CDH4: variants seen among roughly 807,000 people sequenced by gnomAD.
CDH4 encodes the protein cadherin 4, also known as cadherin-4.
Under a neutral mutation model 86.0 loss-of-function variants are expected in CDH4, and 33 were observed. The observed-to-expected ratio is 0.38, with a 90% CI of 0.29 to 0.51. The LOEUF (loss-of-function observed/expected upper bound fraction) is 0.51, where lower values mean the gene tolerates loss of function less well. Ranked by LOEUF, CDH4 falls within the 20% of genes least tolerant of loss-of-function variation. The pLI is 0.86. For missense variants in CDH4, 1,114 were observed against 1,307.4 expected, an observed-to-expected ratio of 0.85 and a Z score of 2.28; for synonymous variants, 555 against 549.4, an observed-to-expected ratio of 1.01 and a Z score of -0.14.
Position 61,852,681 on chromosome 20 carries a change from C to T in CDH4, c.733-73C>T, listed in dbSNP as rs188708523. ...CCATCAGTCTCCTACCCCAGCACCG[C>T]GGGTCCCAGGCCGCTCTCAGCTGAG... On this transcript the variant is annotated intron_variant, in intron 5 of 15. Coordinates refer to ENST00000614565, the MANE Select transcript of CDH4 (RefSeq NM_001794.5). The T allele has an allele frequency of 3.0e-4, 451 of 1,515,836 alleles. 2 individuals carry two copies. The African/African-American group carries it at 5.1e-3, about 17-fold the overall frequency. 93.9% of individuals were successfully genotyped at this position (1,515,836 alleles called of 1,614,324 possible). A position where few individuals can be genotyped will look rare whatever the true frequency, so the allele number is the denominator to read the frequency against.
At chr20:61,575,538 G>A (rs1228700520) in intron 2 of CDH4, among the ~76,000 whole-genome samples, 2 of 152,248 alleles carry the variant, frequency 1.3e-5, no homozygotes, top group Non-Finnish European at 2.9e-5. Context: ...TTGGAATGAA[G>A]AAAAGGCAAT....
At chr20:61,559,073 C>T (rs1415392893) in intron 2 of CDH4, among the ~76,000 whole-genome samples, 1 of 152,224 alleles carries the variant, frequency 6.6e-6, no homozygotes. Flanking sequence ...AATCCCAACA[C>T]TTTGGGAGGC....
intron 2 of CDH4, among the ~76,000 whole-genome samples, chr20:61,395,866 ACT>A (rs1746151688): frequency 1.3e-5 from 2 of 151,756 alleles, no homozygotes; most frequent in African/African-American, 4.8e-5. Context: ...AGGCACGAAA[ACT>A]CTTAGGGGAG....
At chr20:61,698,292 C>T (rs566746121) in intron 2 of CDH4, among the ~76,000 whole-genome samples, 13 of 152,264 alleles carry the variant, frequency 8.5e-5, no homozygotes, top group South Asian at 8.3e-4. Flanking sequence ...GCCCCAGATC[C>T]GTCCTGCTGG....
chr20:61,730,342 C>T (rs1039639679), intron 2 of CDH4, among the ~76,000 whole-genome samples: 9 of 152,174 alleles, frequency 5.9e-5, no homozygotes, highest in African/African-American at 1.2e-4. Context: ...CCTCCTCCCA[C>T]GGTCCTTTCA....
intron 2 of CDH4, among the ~76,000 whole-genome samples, chr20:61,495,904 A>G (rs1292341325): frequency 4.2e-5 from 6 of 142,578 alleles, no homozygotes; most frequent in African/African-American, 1.7e-4. Context: ...CTCCATCTCA[A>G]AAAAAAAAAA....
chr20:61,928,075 A>C, intron 11 of CDH4, 115 bp from the exon 12 acceptor site: 1 of 816,056 alleles, frequency 1.2e-6, no homozygotes, highest in Non-Finnish European at 2.1e-6. Context: ...GGGTCTGCAC[A>C]TGTGTCCCTG....
At chr20:61,364,181 A>T (rs2084798877) in intron 2 of CDH4, among the ~76,000 whole-genome samples, 1 of 152,202 alleles carries the variant, frequency 6.6e-6, no homozygotes. Flanking sequence ...GCTCAGGCTC[A>T]TCCAGTAGGA....
chr20:61,610,744 G>T (rs997741290), intron 2 of CDH4, among the ~76,000 whole-genome samples: 9 of 152,112 alleles, frequency 5.9e-5, no homozygotes, highest in African/African-American at 2.2e-4. Flanking sequence ...GAGGGATTAG[G>T]TGTCTATTTT....
intron 2 of CDH4, among the ~76,000 whole-genome samples, chr20:61,571,079 G>A (rs952449137): frequency 1.3e-5 from 2 of 152,140 alleles, no homozygotes; most frequent in African/African-American, 2.4e-5. Context: ...AGGTGGTGGG[G>A]TCCAACAGGG....
At chr20:61,849,841 C>G (rs1013718126) in intron 5 of CDH4, among the ~76,000 whole-genome samples, 1 of 152,224 alleles carries the variant, frequency 6.6e-6, no homozygotes, top group Non-Finnish European at 1.5e-5. Context: ...CCAGCCCTGT[C>G]TTAAGGTCAA....
At chr20:61,351,909 G>A (rs4511775) in intron 2 of CDH4, among the ~76,000 whole-genome samples, 28,290 of 151,920 alleles carry the variant, frequency 0.19, 2,739 homozygotes, top group Middle Eastern at 0.33. Flanking sequence ...TAGAGACGGG[G>A]TTTCACCATG....
chr20:61,540,491 T>C (rs2086032067), intron 2 of CDH4, among the ~76,000 whole-genome samples: 1 of 152,066 alleles, frequency 6.6e-6, no homozygotes. Context: ...GGTGGTGCCT[T>C]CTGTCACATA....
In CDH4 at chr20:61,582,934, C is replaced by T. The variant is rs983720446; in HGVS notation, c.170-160629C>T. On this transcript the variant is annotated intron_variant, in intron 2 of 15. Coordinates refer to ENST00000614565, the MANE Select transcript of CDH4 (RefSeq NM_001794.5). This position sits in a 1 kb window ranked among gnomAD's most constrained non-coding sequence, Gnocchi z 4.2. ...CACACCCTTGGCTGTCCGCCTTCTG[C>T]GCCCCCATGGCCCCCGGCCCTAGGC... Among the ~76,000 whole-genome samples, 3 of 152,106 alleles carry T rather than the reference C, an allele frequency of 2.0e-5. No individual in the cohort carries two copies. Among genetic ancestry groups the T allele is most frequent in the Non-Finnish European group, 4.4e-5 (3 of 68,016 alleles).
At chr20:61,450,149 G>C (rs929782179) in intron 2 of CDH4, among the ~76,000 whole-genome samples, 2 of 152,196 alleles carry the variant, frequency 1.3e-5, no homozygotes, top group East Asian at 1.9e-4. Context: ...AAGTCTTCTT[G>C]AATGACCTTC....
At chr20:61,561,984 T>C (rs1230886785) in intron 2 of CDH4, among the ~76,000 whole-genome samples, 132 of 118,656 alleles carry the variant, frequency 1.1e-3, no homozygotes, top group Middle Eastern at 5.8e-3. Flanking sequence ...AGAGGGACCT[T>C]CGTGTGGAGA....
rs2085771736 is a variant in CDH4 at position 61,510,504 on chromosome 20, G to A, written c.170-233059G>A. ...CTGATGGCATCCCATAAAGAAGAGA[G>A]ATTCGTTCCACATAAAATGCAACCA... is the stretch of plus-strand genomic sequence containing the variant. On this transcript the variant is annotated intron_variant, in intron 2 of 15. Coordinates refer to ENST00000614565, the MANE Select transcript of CDH4 (RefSeq NM_001794.5). The surrounding 1 kb of genome is among the most constrained non-coding windows in gnomAD (Gnocchi z 4.2). Among the ~76,000 whole-genome samples the A allele has an allele frequency of 6.6e-6, 1 of 152,182 alleles. No individual in the cohort carries two copies. Among genetic ancestry groups the A allele is most frequent in the African/African-American group, 2.4e-5 (1 of 41,448 alleles).
At chr20:61,567,019 A>T (rs924545025) in intron 2 of CDH4, among the ~76,000 whole-genome samples, 1 of 152,078 alleles carries the variant, frequency 6.6e-6, no homozygotes, top group African/African-American at 2.4e-5. Flanking sequence ...GACACTGAGG[A>T]GCTCTGTGAG....
chr20:61,298,437 C>A (rs943707011), intron 2 of CDH4, among the ~76,000 whole-genome samples: 1 of 152,066 alleles, frequency 6.6e-6, no homozygotes, highest in African/African-American at 2.4e-5. Context: ...CCCTTCCTCC[C>A]GCACTTCCCC....
Sources: gnomAD v4.1 joint callset for allele counts (sites outside exome capture counted in the v4.1 genomes callset) on GRCh38, gnomAD v4.1.1 for gene constraint, Gnocchi (gnomAD v3.1) non-coding constraint, MANE v1.5 for transcripts, NCBI Gene and HGNC (gene_info 2026-07-23, HGNC 2026-07-21) for gene names.